HSPA8: variants seen among roughly 807,000 people sequenced by gnomAD.
The protein encoded by HSPA8 is heat shock protein family A (Hsp70) member 8.
In HSPA8, 2 loss-of-function variants were observed where a neutral mutation model predicts 52.8. The ratio of observed to expected loss-of-function variants is 0.04; its 90% CI spans 0.02 to 0.12. The LOEUF (loss-of-function observed/expected upper bound fraction) is 0.12, where lower values mean the gene tolerates loss of function less well. Ranked by LOEUF, HSPA8 falls within the 10% of genes least tolerant of loss-of-function variation. HSPA8 has a pLI of 1.00. For synonymous variants in HSPA8, 436 were observed against 274.0 expected, an observed-to-expected ratio of 1.59 and a Z score of -5.84; for missense variants, 349 against 800.5, an observed-to-expected ratio of 0.44 and a Z score of 6.81.
At position 123,059,192 on chromosome 11, in the gene HSPA8, G is replaced by A. The variant is rs1865414247; in HGVS notation, c.1190C>T (p.Thr397Ile). 6.2e-7 allele frequency: 1 copy of A among 1,612,208 alleles called. No homozygotes were observed. The highest frequency in any genetic ancestry group is 8.5e-7 in the Non-Finnish European group (1 of 1,179,948). The change falls in exon 6 of 9, where the codon ACT becomes ATT. Residue 397 changes from threonine to isoleucine, a missense_variant. Coordinates refer to ENST00000534624, the MANE Select transcript of HSPA8 (RefSeq NM_006597.6). The stretch of plus-strand genomic sequence containing the variant: ...AGTTTCAATACCAAGGGAAAGAGGA[G>A]TGACATCCAAGAGCAGCAAATCTTG... ...NVQDLLLLDVTPLSLGIETAG... is the reference protein window; with the variant it reads ...NVQDLLLLDVIPLSLGIETAG...
intron 8 of HSPA8, 26 bp downstream of exon 8, chr11:123,058,226 G>GAGGA (rs1865372056): frequency 9.9e-7 from 1 of 1,012,454 alleles, no homozygotes; most frequent in African/African-American, 1.9e-5. Flanking sequence ...AGTGGGGGAG[G>GAGGA]AAAAAAAAAA....
In HSPA8 at chr11:123,057,582, C is replaced by T. The variant is rs933956028; in HGVS notation, c.*152G>A. On this transcript the variant is annotated 3_prime_UTR_variant, in exon 9 of 9. Transcript: ENST00000534624. ...TAAAGTGCAATGTTATTTCCTTCCC[C>T]TGTGCATATGTTCCATATTCAAGTA... 3.5e-6 allele frequency: 2 copies of T among 574,982 alleles called. No individual in the cohort carries two copies. Among genetic ancestry groups the T allele is most frequent in the Non-Finnish European group, 6.1e-6 (2 of 326,458 alleles). 35.6% of individuals were successfully genotyped at this position (574,982 alleles called of 1,614,324 possible).
Position 123,059,467 on chromosome 11 carries a change from T to G in HSPA8, c.1120+6A>C. 1 of 1,609,718 alleles carries G rather than the reference T, an allele frequency of 6.2e-7. No homozygotes were observed. The highest frequency in any genetic ancestry group is 8.5e-7 in the Non-Finnish European group (1 of 1,177,390). The stretch of plus-strand genomic sequence containing the variant: ...CCTTTAGGGTTAATTGAGATACCAT[T>G]GTTACCTGCACCATAAGCAACAGCT... On this transcript the variant is annotated splice_donor_region_variant and intron_variant, in intron 5 of 8. Coordinates refer to ENST00000534624, the MANE Select transcript of HSPA8 (RefSeq NM_006597.6).
At chr11:123,060,297 G>C in intron 3 of HSPA8, 29 bp from the exon 4 acceptor site, 11 of 1,606,280 alleles carry the variant, frequency 6.8e-6, no homozygotes, top group Non-Finnish European at 9.4e-6. Context: ...CCACAGATTG[G>C]TAACTATTAT....
chr11:123,059,978 A>G lies in HSPA8; in HGVS notation c.615T>C (p.Phe205=), dbSNP rs1242068300. The change falls in exon 5 of 9, where the codon TTT becomes TTC. Residue 205 remains phenylalanine, a synonymous_variant. Transcript: ENST00000534624. ...VLIFDLGGGT[F]DVSILTIEDG... ...CCTCAATAGTGAGGATTGACACATC[A>G]AAAGTGCCACCTCCCAGGTCAAAGA... 4 of 1,614,056 alleles carry G rather than the reference A, an allele frequency of 2.5e-6. No individual in the cohort carries two copies. Among genetic ancestry groups the G allele is most frequent in the African/African-American group, 2.7e-5 (2 of 75,042 alleles).
intron 1 of HSPA8, 151 bp downstream of exon 1, chr11:123,061,913 C>G (rs1865519710): frequency 6.3e-6 from 1 of 157,592 alleles, no homozygotes; most frequent in African/African-American, 2.4e-5. Context: ...GCCATCCCAC[C>G]GAAAACTGAG....
chr11:123,060,947 G>A (rs190729629), intron 2 of HSPA8, 149 bp from the exon 3 acceptor site: 7 of 877,060 alleles, frequency 8.0e-6, no homozygotes, highest in East Asian at 5.2e-5. Context: ...AACCTCCTAC[G>A]TTATCCAGAT....
chr11:123,061,649 G>A (rs1234620469), intron 1 of HSPA8: 2 of 408,030 alleles, frequency 4.9e-6, no homozygotes, highest in Non-Finnish European at 9.1e-6. Flanking sequence ...GGGAGTCAAC[G>A]GGCTTTTAAC....
At chr11:123,060,429 A>T in intron 3 of HSPA8, 161 bp from the exon 4 acceptor site, 1 of 922,462 alleles carries the variant, frequency 1.1e-6, no homozygotes, top group Non-Finnish European at 1.7e-6. Flanking sequence ...TCTGGTGTTG[A>T]CAGACCCATC....
rs756219815 is a variant in HSPA8, at chr11:123,060,307, T to A, written c.412-39A>T. The A allele has an allele frequency of 3.2e-6, 5 of 1,584,984 alleles. No homozygotes were observed. In the East Asian group the frequency reaches 1.1e-4, roughly 35 times the overall value. On this transcript the variant is annotated intron_variant, in intron 3 of 8. Coordinates refer to ENST00000534624, the MANE Select transcript of HSPA8 (RefSeq NM_006597.6). ...AAAGACCACAGATTGGTAACTATTATACTTACATATATGCAAACTCCAGCA... is the reference window on the plus strand; with the variant it reads ...AAAGACCACAGATTGGTAACTATTAAACTTACATATATGCAAACTCCAGCA...
At chr11:123,059,432 G>C in intron 5 of HSPA8, 41 bp downstream of exon 5, 1 of 1,540,772 alleles carries the variant, frequency 6.5e-7, no homozygotes, top group Non-Finnish European at 8.9e-7. Context: ...AGTCACCTTG[G>C]GCCTGCCTGC....
Position 123,057,812 on chromosome 11 carries a change from C to T in HSPA8, c.1863G>A (p.Met621Ile). Residue 621 changes from methionine to isoleucine, a missense_variant, in exon 9 of 9, where the codon ATG becomes ATA. Physicochemically the swap from Met to Ile is conservative, Grantham distance 10. Coordinates refer to ENST00000534624, the MANE Select transcript of HSPA8 (RefSeq NM_006597.6). Reference sequence around the variant, plus strand: ...CTCCACCACCAGGAAATCCCCCAGGCATTCCTCCTGGCATGCCTCCTGCAC... The same window carrying T: ...CTCCACCACCAGGAAATCCCCCAGGTATTCCTCCTGGCATGCCTCCTGCAC... ...YQSAGGMPGGMPGGFPGGGAP... is the reference protein window; with the variant it reads ...YQSAGGMPGGIPGGFPGGGAP... 1.9e-6 allele frequency: 3 copies of T among 1,613,684 alleles called. No individual in the cohort carries two copies. The highest frequency in any genetic ancestry group is 2.2e-5 in the South Asian group (2 of 91,078).
In HSPA8 at chr11:123,061,340, GA is replaced by G; in HGVS notation, c.-5-12del. On this transcript the variant is annotated splice_polypyrimidine_tract_variant and intron_variant, in intron 1 of 8. Coordinates refer to ENST00000534624, the MANE Select transcript of HSPA8 (RefSeq NM_006597.6). ...CCTTGGACATGGTTGCTGAAAAAAA[GA>G]AAAATCTGGTTTAAAAATTCAATTA... The G allele has an allele frequency of 6.3e-7, 1 of 1,593,702 alleles. No homozygotes were observed.
chr11:123,061,458 TCTAAGCA>T, intron 1 of HSPA8, 129 bp from the exon 2 acceptor site: 2 of 709,142 alleles, frequency 2.8e-6, no homozygotes, highest in Non-Finnish European at 4.8e-6. Context: ...TCACCTCCTG[TCTAAGCA>T]CGCGCGAGGT....
Position 123,059,734 on chromosome 11 carries a change from G to C in HSPA8, c.859C>G (p.Leu287Val). The change falls in exon 5 of 9, where the codon CTC becomes GTC. Residue 287 changes from leucine to valine, a missense_variant. By Grantham distance (32) the Leu-to-Val change is conservative. Transcript: ENST00000534624. The part of the protein sequence containing the change: ...STQASIEIDS[L>V]YEGIDFYTSI... ...GTATAGAAGTCGATTCCTTCATAGA[G>C]AGAATCGATCTCAATACTGGCCTGG... 6.2e-7 allele frequency: 1 copy of C among 1,613,916 alleles called. No homozygotes were observed. The highest frequency in any genetic ancestry group is 8.5e-7 in the Non-Finnish European group (1 of 1,179,846).
chr11:123,061,124 A>C lies in HSPA8; in HGVS notation c.201T>G (p.Val67=), dbSNP rs1865487059. The part of the protein sequence containing the change: ...NQVAMNPTNT[V]FDAKRLIGRR... ...CATTTAAAATTAGGAACTCACCAAA[A>C]ACTGTGTTGGTGGGGTTCATTGCAA... The change falls in exon 2 of 9, where the codon GTT becomes GTG. Residue 67 remains valine, a synonymous_variant. Transcript: ENST00000534624. The C allele has an allele frequency of 6.2e-7, 1 of 1,613,134 alleles. No individual in the cohort carries two copies. The highest frequency in any genetic ancestry group is 1.3e-5 in the African/African-American group (1 of 74,904).
chr11:123,061,579 T>C (rs566188677), intron 1 of HSPA8: 52 of 540,034 alleles, frequency 9.6e-5, no homozygotes, highest in Admixed American at 3.5e-4. Flanking sequence ...GCTCAACACG[T>C]GGTCTTACCC....
intron 4 of HSPA8, 29 bp from the exon 5 acceptor site, chr11:123,060,057 T>G: frequency 1.2e-6 from 2 of 1,614,042 alleles, no homozygotes; most frequent in Non-Finnish European, 1.7e-6. Flanking sequence ...TCATTTAAAT[T>G]TACGATGGAT....
rs775451393 is a variant in HSPA8, at chr11:123,059,071, A to C, written c.1311T>G (p.Gly437=). The change falls in exon 6 of 9, where the codon GGT becomes GGG. Residue 437 remains glycine, a synonymous_variant. Transcript: ENST00000534624. ...TACAGAAACATACCTGAATAAGCAC[A>C]CCAGGCTGGTTGTCAGAATAGGTAG... ...TFTTYSDNQP[G]VLIQVYEGER... 6.2e-7 allele frequency: 1 copy of C among 1,612,768 alleles called. No homozygotes were observed. The highest frequency in any genetic ancestry group is 8.5e-7 in the Non-Finnish European group (1 of 1,179,738).
Sources: gnomAD v4.1 joint callset for allele counts on GRCh38, gnomAD v4.1.1 for gene constraint, MANE v1.5 for transcripts, NCBI Gene and HGNC (gene_info 2026-07-23, HGNC 2026-07-21) for gene names.